The following NSRP1 variants were observed in gnomAD, a reference collection of about 807,000 sequenced individuals.
NSRP1 encodes nuclear speckle splicing regulatory protein 1, also known as coiled-coil domain containing 55.
NSRP1 carries 24 observed loss-of-function variants against 54.7 expected under a neutral mutation model. That is an observed-to-expected ratio of 0.44 (90% CI 0.32 to 0.62). The LOEUF is 0.62. Ranked by LOEUF, NSRP1 falls within the 20% of genes least tolerant of loss-of-function variation. The probability of loss-of-function intolerance (pLI) is 0.06; values close to 1 mark genes in which losing one functional copy is unlikely to be tolerated. For synonymous variants in NSRP1, 210 were observed against 213.8 expected, an observed-to-expected ratio of 0.98 and a Z score of 0.15; for missense variants, 596 against 651.2, an observed-to-expected ratio of 0.92 and a Z score of 0.92.
In NSRP1 at chr17:30,118,283, A is replaced by G. The variant is rs190687059; in HGVS notation, c.114+110A>G. 326 of 698,320 alleles carry G rather than the reference A, an allele frequency of 4.7e-4. 2 individuals carry two copies. The highest frequency in any genetic ancestry group is 3.7e-3 in the Middle Eastern group (10 of 2,696). The allele number at this position is 698,320 out of a possible 1,614,324, so 43.3% of individuals were successfully genotyped here. A position where few individuals can be genotyped will look rare whatever the true frequency, so the allele number is the denominator to read the frequency against. On this transcript the variant is annotated intron_variant, in intron 2 of 6. Coordinates refer to ENST00000247026, the MANE Select transcript of NSRP1 (RefSeq NM_032141.4). ...TTGTTATTTGTCAGTACAGTGGAGT[A>G]TAATTTACAGAATTGTCAAAAAGGA...
At position 30,152,226 on chromosome 17, in the gene NSRP1, G is replaced by A. The variant is rs371254864; in HGVS notation, c.115-20316G>A. 2.5e-3 allele frequency among the ~76,000 whole-genome samples: 384 copies of A among 151,782 alleles called. 1 individual carries two copies. The highest frequency in any genetic ancestry group is 6.6e-3 in the African/African-American group (272 of 41,372). On this transcript the variant is annotated intron_variant, in intron 2 of 6. Coordinates refer to ENST00000247026, the MANE Select transcript of NSRP1 (RefSeq NM_032141.4). The stretch of plus-strand genomic sequence containing the variant: ...CAACCTCTGCTTCCCGGGTTCAAGC[G>A]ATTCTCCTGCCTCAGTCTCTCGAGT...
chr17:30,140,700 T>C (rs1287127224), intron 2 of NSRP1, among the ~76,000 whole-genome samples: 4 of 151,818 alleles, frequency 2.6e-5, no homozygotes, highest in Non-Finnish European at 5.9e-5. Context: ...CAGCTAATTA[T>C]TGTATTTTTA....
At chr17:30,136,088 C>T (rs1345433306) in intron 2 of NSRP1, among the ~76,000 whole-genome samples, 1 of 151,942 alleles carries the variant, frequency 6.6e-6, no homozygotes, top group South Asian at 2.1e-4. Flanking sequence ...TGGTGCACAT[C>T]TGTAGTCCCA....
intron 3 of NSRP1, among the ~76,000 whole-genome samples, chr17:30,174,682 T>C (rs937179513): frequency 1.2e-4 from 19 of 152,206 alleles, no homozygotes; most frequent in African/African-American, 4.6e-4. Flanking sequence ...TTTTGTTGTT[T>C]GTTTATTTGT....
chr17:30,180,638 G>A (rs1905261789), intron 5 of NSRP1, among the ~76,000 whole-genome samples: 1 of 151,966 alleles, frequency 6.6e-6, no homozygotes, highest in South Asian at 2.1e-4. Flanking sequence ...CATACTTTAG[G>A]GCTTTTTGTG....
chr17:30,177,717 A>G (rs188196812), intron 3 of NSRP1, among the ~76,000 whole-genome samples: 2 of 152,286 alleles, frequency 1.3e-5, no homozygotes, highest in African/African-American at 4.8e-5. Flanking sequence ...ATAAATGATA[A>G]TAATAGTTGA....
At position 30,185,412 on chromosome 17, in the gene NSRP1, C is replaced by T; in HGVS notation, c.1415C>T (p.Ser472Phe). 6.2e-7 allele frequency: 1 copy of T among 1,609,758 alleles called. No homozygotes were observed. The highest frequency in any genetic ancestry group is 8.5e-7 in the Non-Finnish European group (1 of 1,179,062). Residue 472 changes from serine (S) to phenylalanine (F), a missense_variant, in exon 7 of 7, where the codon TCC becomes TTC. By Grantham distance (155) the Ser-to-Phe change is radical (BLOSUM62 -2). Transcript: ENST00000247026. ...AKDKFLDQER[S>F]NKMRNMAKDK... ...GATAAATTTCTTGACCAAGAAAGAT[C>T]CAACAAAATGAGAAACATGGCAAAG...
In NSRP1 at chr17:30,179,300, A is replaced by G. The variant is rs773027081; in HGVS notation, c.508+3A>G. ...AAAGAGGGCTGCTGCACTGGAAGGTAAAATGAAAGAGTGGGAAAGGCACAA... is the reference window on the plus strand; with the variant it reads ...AAAGAGGGCTGCTGCACTGGAAGGTGAAATGAAAGAGTGGGAAAGGCACAA... On this transcript the variant is annotated splice_donor_region_variant and intron_variant, in intron 5 of 6. Coordinates refer to ENST00000247026, the MANE Select transcript of NSRP1 (RefSeq NM_032141.4). The G allele has an allele frequency of 6.4e-6, 10 of 1,561,016 alleles. No homozygotes were observed. In the South Asian group the frequency reaches 9.9e-5, roughly 15 times the overall value.
intron 2 of NSRP1, among the ~76,000 whole-genome samples, chr17:30,118,604 TATA>T (rs1388991028): frequency 3.9e-5 from 6 of 152,346 alleles, no homozygotes; most frequent in African/African-American, 1.4e-4. Context: ...ATTGCTCAGT[TATA>T]ATCGTGGTAG....
At chr17:30,171,970 A>ACT (rs1342968004) in intron 2 of NSRP1, among the ~76,000 whole-genome samples, 3 of 99,152 alleles carry the variant, frequency 3.0e-5, no homozygotes, top group Non-Finnish European at 4.4e-5. Context: ...ACACACACAC[A>ACT]CACTCCCTCT....
At chr17:30,144,533 T>A (rs1435965006) in intron 2 of NSRP1, 1 of 152,162 alleles carries the variant, frequency 6.6e-6, no homozygotes, top group Non-Finnish European at 1.5e-5. Context: ...AGTGCTGAGA[T>A]TACAGGAGTG....
At position 30,179,205 on chromosome 17, in the gene NSRP1, A is replaced by G; in HGVS notation, c.416A>G (p.Asp139Gly). The change falls in exon 5 of 7, where the codon GAT (aspartate) becomes GGT (glycine). Residue 139 changes from aspartate to glycine, a missense_variant. Asp to Gly is a moderately conservative substitution (Grantham distance 94). Transcript: ENST00000247026. ...GAAATGGAAAAGGGGGAGTTTGATGATAAAGAAGCATTTGTGACATCTGCA... is the reference window on the plus strand; with the variant it reads ...GAAATGGAAAAGGGGGAGTTTGATGGTAAAGAAGCATTTGTGACATCTGCA... Reference protein sequence around the residue: ...EREMEKGEFDDKEAFVTSAYK... With the variant: ...EREMEKGEFDGKEAFVTSAYK... 1.9e-6 allele frequency: 3 copies of G among 1,612,050 alleles called. No individual in the cohort carries two copies. Among genetic ancestry groups the G allele is most frequent in the Non-Finnish European group, 2.5e-6 (3 of 1,178,888 alleles).
At position 30,175,907 on chromosome 17, in the gene NSRP1, G is replaced by T. The variant is rs188058522; in HGVS notation, c.172-2164G>T. Among the ~76,000 whole-genome samples the T allele has an allele frequency of 2.4e-4, 37 of 152,138 alleles. No homozygotes were observed. In the East Asian group the frequency reaches 6.8e-3, roughly 28 times the overall value. ...AGTCCCAGCTACTCAGGAGGCTGAG[G>T]CAGGAGAGTCACTTGAACACAGGAG... On this transcript the variant is annotated intron_variant, in intron 3 of 6. Coordinates refer to ENST00000247026, the MANE Select transcript of NSRP1 (RefSeq NM_032141.4).
intron 5 of NSRP1, among the ~76,000 whole-genome samples, chr17:30,179,507 AC>A (rs1905232985): frequency 6.6e-6 from 1 of 152,234 alleles, no homozygotes; most frequent in East Asian, 1.9e-4. Flanking sequence ...CTCTTCAGTA[AC>A]TATTATTTCT....
At chr17:30,175,065 T>G (rs1905083095) in intron 3 of NSRP1, among the ~76,000 whole-genome samples, 1 of 152,242 alleles carries the variant, frequency 6.6e-6, no homozygotes, top group Non-Finnish European at 1.5e-5. Flanking sequence ...CTTCATTTTC[T>G]GTCCTGACAG....
chr17:30,174,998 T>C (rs1366377330), intron 3 of NSRP1, among the ~76,000 whole-genome samples: 1 of 152,236 alleles, frequency 6.6e-6, no homozygotes, highest in African/African-American at 2.4e-5. Context: ...ATACCAAGGT[T>C]TGGCGAGCCT....
chr17:30,127,885 G>A (rs2071664679), intron 2 of NSRP1: 1 of 397,704 alleles, frequency 2.5e-6, no homozygotes, highest in South Asian at 1.3e-4. Flanking sequence ...CCAGGATGGA[G>A]TGCAATTTGT....
At chr17:30,142,390 A>G (rs961206198) in intron 2 of NSRP1, among the ~76,000 whole-genome samples, 1 of 151,990 alleles carries the variant, frequency 6.6e-6, no homozygotes, top group Non-Finnish European at 1.5e-5. Context: ...CAGTGGCTCT[A>G]TCATAGCTCA....
chr17:30,117,699 G>A (rs1287547296), intron 1 of NSRP1, among the ~76,000 whole-genome samples: 2 of 149,880 alleles, frequency 1.3e-5, no homozygotes, highest in Admixed American at 6.6e-5. Flanking sequence ...TAGACCACAA[G>A]GATAGTTGAA....
Sources: allele counts gnomAD v4.1 joint callset (sites outside exome capture counted in the v4.1 genomes callset), GRCh38; gene constraint gnomAD v4.1.1; transcripts MANE v1.5; gene names NCBI Gene and HGNC (gene_info 2026-07-23, HGNC 2026-07-21).